Variants in NINJ2 observed in about 807,000 individuals in gnomAD.
The protein encoded by NINJ2 is ninjurin-2.
NINJ2 carries 12 observed loss-of-function variants against 11.7 expected under a neutral mutation model. The observed-to-expected ratio is 1.02, with a 90% CI of 0.66 to 1.66. The LOEUF (loss-of-function observed/expected upper bound fraction) is 1.66. NINJ2 is among the 40% of genes most tolerant of loss of function. The pLI is 0.00. For missense variants in NINJ2, 187 were observed against 181.8 expected, an observed-to-expected ratio of 1.03 and a Z score of -0.16; for synonymous variants, 93 against 76.8, an observed-to-expected ratio of 1.21 and a Z score of -1.10.
chr12:576,088 G>A (rs968704809), intron 1 of NINJ2, among the ~76,000 whole-genome samples: 2 of 152,134 alleles, frequency 1.3e-5, no homozygotes, highest in African/African-American at 4.8e-5. Context: ...GTCGGGGTGG[G>A]GTTTCTTTTG....
chr12:574,373 T>C (rs1481793125), intron 1 of NINJ2, among the ~76,000 whole-genome samples: 1 of 152,176 alleles, frequency 6.6e-6, no homozygotes, highest in African/African-American at 2.4e-5. Context: ...AAAGCAAATA[T>C]GCACTCTGCT....
rs747775572 is a variant in NINJ2 at position 580,311 on chromosome 12, T to C, written c.34-14133A>G. 4.6e-5 allele frequency among the ~76,000 whole-genome samples: 7 copies of C among 152,028 alleles called. No individual in the cohort carries two copies. The highest frequency in any genetic ancestry group is 8.8e-5 in the Non-Finnish European group (6 of 67,992). ...GAATGAATGATGCATTTGTCAGCAG[T>C]GCATGGTGGCTCACACCTGTAATCC... is the stretch of plus-strand genomic sequence containing the variant. On this transcript the variant is annotated intron_variant, in intron 1 of 3. Coordinates refer to ENST00000305108, the MANE Select transcript of NINJ2 (RefSeq NM_016533.6). The surrounding 1 kb of genome is among the most constrained non-coding windows in gnomAD (Gnocchi z 4.7).
intron 1 of NINJ2, chr12:643,226 C>G (rs896849215): frequency 5.0e-5 from 8 of 160,510 alleles, no homozygotes; most frequent in Middle Eastern, 5.1e-4. Context: ...GTTCTTCTGG[C>G]CCACAGCGCC....
intron 1 of NINJ2, among the ~76,000 whole-genome samples, chr12:590,208 C>CTG (rs1298334601): frequency 6.6e-6 from 1 of 152,200 alleles, no homozygotes; most frequent in East Asian, 1.9e-4. Context: ...TCCCAATGTG[C>CTG]TGTAGCAGCA....
At chr12:626,569 A>C (rs1307532454) in intron 1 of NINJ2, among the ~76,000 whole-genome samples, 3 of 152,194 alleles carry the variant, frequency 2.0e-5, no homozygotes, top group Non-Finnish European at 4.4e-5. Flanking sequence ...TCCAGGACTT[A>C]AAAGAGTTTC....
chr12:581,965 C>T lies in NINJ2; in HGVS notation c.34-15787G>A, dbSNP rs544716876. On this transcript the variant is annotated intron_variant, in intron 1 of 3. Transcript: ENST00000305108. This position sits in a 1 kb window ranked among gnomAD's most constrained non-coding sequence, Gnocchi z 4.9. The stretch of plus-strand genomic sequence containing the variant: ...CCCTGGAGGGATTCCAATCCACAGC[C>T]TCTCCCTGGCTCCCTGCACTGACCC... Among the ~76,000 whole-genome samples the T allele has an allele frequency of 6.6e-6, 1 of 152,234 alleles. No homozygotes were observed. Among genetic ancestry groups the T allele is most frequent in the Non-Finnish European group, 1.5e-5 (1 of 68,048 alleles).
intron 1 of NINJ2, among the ~76,000 whole-genome samples, chr12:626,331 G>C (rs1948210058): frequency 1.3e-5 from 2 of 152,230 alleles, no homozygotes; most frequent in South Asian, 4.1e-4. Flanking sequence ...AAAAAGAGCT[G>C]CGTTAGTGAG....
In NINJ2 at chr12:572,581, G is replaced by A. The variant is rs1276214970; in HGVS notation, c.34-6403C>T. ...AGAATTCACTTGGGAAGGGTGCCTG[G>A]GCCTGTCACACTGTGTGCACACACA... On this transcript the variant is annotated intron_variant, in intron 1 of 3. Transcript: ENST00000305108. Among the ~76,000 whole-genome samples, 8 of 152,266 alleles carry A rather than the reference G, an allele frequency of 5.3e-5. No homozygotes were observed. In the South Asian group the frequency reaches 1.7e-3, roughly 32 times the overall value.
intron 1 of NINJ2, among the ~76,000 whole-genome samples, chr12:589,928 C>G (rs1168331703): frequency 6.6e-6 from 1 of 152,078 alleles, no homozygotes; most frequent in African/African-American, 2.4e-5. Context: ...GGCGGGGTCT[C>G]CCTGTCAGGA....
chr12:624,855 T>A (rs1384400158), intron 1 of NINJ2, among the ~76,000 whole-genome samples: 1 of 144,706 alleles, frequency 6.9e-6, no homozygotes, highest in Non-Finnish European at 1.5e-5. Flanking sequence ...ACGCCTGTAA[T>A]CCCAGCACTT....
chr12:598,166 C>G (rs1430708580), intron 1 of NINJ2, among the ~76,000 whole-genome samples: 2 of 152,168 alleles, frequency 1.3e-5, no homozygotes, highest in Non-Finnish European at 2.9e-5. Context: ...GCGTGTGTGT[C>G]TGTGTATAGA....
chr12:624,513 T>C (rs953684621), intron 1 of NINJ2, among the ~76,000 whole-genome samples: 4 of 152,046 alleles, frequency 2.6e-5, no homozygotes, highest in African/African-American at 9.7e-5. Context: ...ACACATGGTA[T>C]AAAAAATATA....
chr12:643,643 A>G, intron 1 of NINJ2: 1 of 988,060 alleles, frequency 1.0e-6, no homozygotes, highest in Non-Finnish European at 1.2e-6. Context: ...CAACGAAGCC[A>G]AAGCCAACGT....
chr12:606,187 A>G (rs1352342138), intron 1 of NINJ2, among the ~76,000 whole-genome samples: 1 of 152,178 alleles, frequency 6.6e-6, no homozygotes, highest in Non-Finnish European at 1.5e-5. Context: ...TCTATTTCAA[A>G]AAGGAATATT....
intron 1 of NINJ2, chr12:643,470 A>G: frequency 1.0e-6 from 1 of 988,262 alleles, no homozygotes; most frequent in Non-Finnish European, 1.2e-6. Flanking sequence ...AAGGGAAGAA[A>G]GACCCGATTC....
At position 635,505 on chromosome 12, in the gene NINJ2, G is replaced by C. The variant is rs1169116053; in HGVS notation, c.33+27823C>G. Among the ~76,000 whole-genome samples, 3 of 152,314 alleles carry C rather than the reference G, an allele frequency of 2.0e-5. No individual in the cohort carries two copies. In the South Asian group the frequency reaches 6.2e-4, roughly 32 times the overall value. ...AAGGATAATCTTTTCAGTAAATGGT[G>C]CTGGAAAAACTGGATAGTCCCACAT... On this transcript the variant is annotated intron_variant, in intron 1 of 3. Coordinates refer to ENST00000305108, the MANE Select transcript of NINJ2 (RefSeq NM_016533.6).
intron 1 of NINJ2, among the ~76,000 whole-genome samples, chr12:658,283 G>C (rs1460294701): frequency 1.3e-5 from 2 of 152,168 alleles, no homozygotes; most frequent in Non-Finnish European, 2.9e-5. Flanking sequence ...GGGATTACAG[G>C]TGTGAGCCAC....
chr12:594,486 T>A (rs898945211), intron 1 of NINJ2, among the ~76,000 whole-genome samples: 4 of 152,132 alleles, frequency 2.6e-5, no homozygotes, highest in African/African-American at 9.7e-5. Context: ...AAAACTCTGA[T>A]GAAAGAAACC....
At chr12:607,159 A>T (rs751137543) in intron 1 of NINJ2, among the ~76,000 whole-genome samples, 6 of 152,096 alleles carry the variant, frequency 3.9e-5, no homozygotes, top group Admixed American at 6.5e-5. Context: ...AGCTTGCTGG[A>T]AATGCAGAAC....
Sources: allele counts gnomAD v4.1 joint callset (sites outside exome capture counted in the v4.1 genomes callset), GRCh38; gene constraint gnomAD v4.1.1; non-coding constraint Gnocchi (gnomAD v3.1); transcripts MANE v1.5; gene names NCBI Gene and HGNC (gene_info 2026-07-23, HGNC 2026-07-21).